ATF6: variants seen among roughly 807,000 people sequenced by gnomAD.
The protein encoded by ATF6 is cyclic AMP-dependent transcription factor ATF-6 alpha.
A neutral mutation model predicts 83.6 loss-of-function variants in ATF6; 53 were observed. The observed-to-expected ratio is 0.63, with a 90% CI of 0.51 to 0.80. The LOEUF is 0.80. ATF6 is among the 30% of genes least tolerant of loss of function. The pLI is 0.00. For missense variants in ATF6, 744 were observed against 797.9 expected, an observed-to-expected ratio of 0.93 and a Z score of 0.81; for synonymous variants, 288 against 285.8, an observed-to-expected ratio of 1.01 and a Z score of -0.08.
At chr1:161,912,244 C>A in intron 14 of ATF6, 52 bp from the exon 15 acceptor site, 1 of 1,379,438 alleles carries the variant, frequency 7.2e-7, no homozygotes, top group Non-Finnish European at 1.0e-6. Context: ...TTGGCCTGTT[C>A]TAGGACTAAG....
intron 15 of ATF6, among the ~76,000 whole-genome samples, chr1:161,928,938 C>CAATG (rs1201927361): frequency 6.6e-6 from 1 of 152,190 alleles, no homozygotes; most frequent in African/African-American, 2.4e-5. Context: ...TACATTCTAG[C>CAATG]AATGTACCAT....
At chr1:161,842,595 T>G (rs1686383151) in intron 9 of ATF6, among the ~76,000 whole-genome samples, 1 of 152,092 alleles carries the variant, frequency 6.6e-6, no homozygotes, top group African/African-American at 2.4e-5. Context: ...CTATTCTAAG[T>G]GAAGTAACTC....
chr1:161,927,790 G>A (rs1333109972), intron 15 of ATF6, among the ~76,000 whole-genome samples: 1 of 152,008 alleles, frequency 6.6e-6, no homozygotes, highest in Non-Finnish European at 1.5e-5. Context: ...AAGAATTATG[G>A]GGTAGATTAT....
chr1:161,782,154 A>C (rs992139941), intron 3 of ATF6, among the ~76,000 whole-genome samples, 155 bp downstream of exon 3: 1 of 152,248 alleles, frequency 6.6e-6, no homozygotes, highest in Admixed American at 6.5e-5. Flanking sequence ...AATTATGTAA[A>C]CAAATTTCTT....
intron 14 of ATF6, among the ~76,000 whole-genome samples, chr1:161,887,299 C>T (rs1345101658): frequency 1.3e-5 from 2 of 151,800 alleles, no homozygotes; most frequent in Non-Finnish European, 1.5e-5. Flanking sequence ...AGTCTGGTCT[C>T]GAGCTCCTGA....
rs1687447324 is a variant in ATF6 at position 161,887,361 on chromosome 1, T to G, written c.1719+24049T>G. On this transcript the variant is annotated intron_variant, in intron 14 of 15. Transcript: ENST00000367942. ...TCCTAAAGTGCTGGGATTACAGGCT[T>G]GAGCCACTGCACTCGGCCTGAAGCA... Among the ~76,000 whole-genome samples the G allele has an allele frequency of 2.6e-5, 4 of 152,142 alleles. No homozygotes were observed. The South Asian group carries it at 8.3e-4, about 32-fold the overall frequency.
chr1:161,772,762 TAAA>T (rs34486834), intron 1 of ATF6, among the ~76,000 whole-genome samples: 14 of 139,356 alleles, frequency 1.0e-4, no homozygotes, highest in African/African-American at 3.7e-4. Flanking sequence ...TAGCTAGAGT[TAAA>T]AAAAAAAAAA....
At chr1:161,914,791 A>T (rs983192857) in intron 15 of ATF6, among the ~76,000 whole-genome samples, 1 of 152,058 alleles carries the variant, frequency 6.6e-6, no homozygotes, top group Non-Finnish European at 1.5e-5. Flanking sequence ...TGGTCCTGTC[A>T]CCACTCTCTT....
chr1:161,806,432 C>T (rs1685284302), intron 7 of ATF6, among the ~76,000 whole-genome samples: 1 of 152,118 alleles, frequency 6.6e-6, no homozygotes, highest in African/African-American at 2.4e-5. Context: ...ACCAGAAAAA[C>T]AAGTGGTAAA....
rs141826779 is a variant in ATF6 at position 161,902,026 on chromosome 1, CATG to C, written c.1720-10269_1720-10267del. On this transcript the variant is annotated intron_variant, in intron 14 of 15. Transcript: ENST00000367942. ...CGAATCACATCAAGAAGGTCATACT[CATG>C]GTGGTAGATACATGGTTTCCGAAAT... Among the ~76,000 whole-genome samples, 376 of 152,262 alleles carry C rather than the reference CATG, an allele frequency of 2.5e-3. 3 individuals carry two copies. Among genetic ancestry groups the C allele is most frequent in the African/African-American group, 7.7e-3 (320 of 41,564 alleles).
chr1:161,863,371 A>G (rs1402821994), intron 14 of ATF6, 59 bp downstream of exon 14: 9 of 1,065,456 alleles, frequency 8.4e-6, no homozygotes, highest in Admixed American at 5.3e-5. Flanking sequence ...TACACAAGAC[A>G]TTGGGCTGAA....
intron 15 of ATF6, among the ~76,000 whole-genome samples, chr1:161,923,297 A>G (rs1371474655): frequency 1.3e-5 from 2 of 152,134 alleles, no homozygotes; most frequent in South Asian, 2.1e-4. Context: ...CTTAATTTTT[A>G]ATATATACTT....
intron 6 of ATF6, among the ~76,000 whole-genome samples, chr1:161,799,547 T>A (rs889409328): frequency 2.6e-5 from 4 of 152,148 alleles, no homozygotes; most frequent in Non-Finnish European, 4.4e-5. Flanking sequence ...AATTTATCCA[T>A]GTAACAAACC....
At chr1:161,807,863 A>ATTTTTTTTTTTTTTTTTTTT (rs1557971141) in intron 7 of ATF6, among the ~76,000 whole-genome samples, 3 of 54,788 alleles carry the variant, frequency 5.5e-5, no homozygotes, top group African/African-American at 2.5e-4. Context: ...TTAGTTTGTC[A>ATTTTTTTTTTTTTTTTTTTT]TCTTTTTTTT....
intron 7 of ATF6, among the ~76,000 whole-genome samples, chr1:161,804,333 A>G (rs1685227208): frequency 6.6e-6 from 1 of 152,160 alleles, no homozygotes; most frequent in Admixed American, 6.5e-5. Flanking sequence ...TCAACAGTAT[A>G]TCACTGTTGT....
At chr1:161,878,360 C>T (rs148635191) in intron 14 of ATF6, among the ~76,000 whole-genome samples, 2 of 152,182 alleles carry the variant, frequency 1.3e-5, no homozygotes, top group East Asian at 1.9e-4. Flanking sequence ...AGTGATCCAC[C>T]CACCTCAGCC....
chr1:161,776,571 G>C (rs989744140), intron 1 of ATF6, among the ~76,000 whole-genome samples: 1 of 151,362 alleles, frequency 6.6e-6, no homozygotes, highest in African/African-American at 2.4e-5. Context: ...CTGGTAGATT[G>C]ATTATGGAGA....
chr1:161,887,778 T>C (rs1687458426), intron 14 of ATF6, among the ~76,000 whole-genome samples: 2 of 152,146 alleles, frequency 1.3e-5, no homozygotes, highest in Non-Finnish European at 2.9e-5. Flanking sequence ...AATCAATCCA[T>C]AAATCTCTAA....
chr1:161,889,441 A>ACTCTCT (rs755538538), intron 14 of ATF6, among the ~76,000 whole-genome samples: 4 of 152,176 alleles, frequency 2.6e-5, no homozygotes, highest in Non-Finnish European at 5.9e-5. Flanking sequence ...CTGTAAGCAC[A>ACTCTCT]CTCTCAGAGT....
Sources: allele counts gnomAD v4.1 joint callset (sites outside exome capture counted in the v4.1 genomes callset), GRCh38; gene constraint gnomAD v4.1.1; transcripts MANE v1.5; gene names NCBI Gene and HGNC (gene_info 2026-07-23, HGNC 2026-07-21).